The following VPS35L variants were observed in gnomAD, a reference collection of about 807,000 sequenced individuals.
VPS35L encodes VPS35 endosomal protein-sorting factor-like.
Under a neutral mutation model 133.0 loss-of-function variants are expected in VPS35L, and 83 were observed. The ratio of observed to expected loss-of-function variants is 0.62; its 90% CI spans 0.52 to 0.75. The LOEUF (loss-of-function observed/expected upper bound fraction) is 0.75. VPS35L is among the 30% of genes least tolerant of loss of function. The pLI is 0.00. For missense variants in VPS35L, 1,083 were observed against 1,206.8 expected (o/e 0.90, Z 1.52); for synonymous variants, 423 against 449.9 (o/e 0.94, Z 0.76).
At chr16:19,617,749 C>G (rs1972943250) in intron 14 of VPS35L, 1 of 152,494 alleles carries the variant, frequency 6.6e-6, no homozygotes, top group Admixed American at 6.5e-5. Context: ...GTAATCCCAG[C>G]ACTTTGGGAG....
At chr16:19,603,402 G>A (rs1003576763) in intron 9 of VPS35L, among the ~76,000 whole-genome samples, 1 of 152,210 alleles carries the variant, frequency 6.6e-6, no homozygotes, top group Non-Finnish European at 1.5e-5. Context: ...CAAAGAGTCA[G>A]TACAAGTAAA....
chr16:19,587,428 A>AATTG, intron 7 of VPS35L: 1 of 417,944 alleles, frequency 2.4e-6, no homozygotes, highest in African/African-American at 2.1e-5. Flanking sequence ...TCGGGAGTTT[A>AATTG]AGACCAGCCT....
At chr16:19,659,839 A>C (rs1486593394) in intron 26 of VPS35L, among the ~76,000 whole-genome samples, 1 of 152,196 alleles carries the variant, frequency 6.6e-6, no homozygotes, top group Admixed American at 6.5e-5. Flanking sequence ...GGTAGTTTCC[A>C]TGATATTGAT....
At chr16:19,666,996 T>TCTTTCTTTCTTTCTTTCTTTCTTTC (rs147556257) in intron 26 of VPS35L, among the ~76,000 whole-genome samples, 29 of 107,862 alleles carry the variant, frequency 2.7e-4, no homozygotes, top group African/African-American at 1.1e-3. Flanking sequence ...TTCTTTCTTT[T>TCTTTCTTTCTTTCTTTCTTTCTTTC]TTTTTGAGAC....
Position 19,615,173 on chromosome 16 carries a change from T to C in VPS35L, c.1024-941T>C, listed in dbSNP as rs375474650. Among the ~76,000 whole-genome samples, 6 of 152,346 alleles carry C rather than the reference T, an allele frequency of 3.9e-5. No homozygotes were observed. In the East Asian group the frequency reaches 7.7e-4, roughly 20 times the overall value. ...CCATGTGTGTTTATCATTTTTTTATTGTATGCACAATCTTGAGAGTACATT... is the reference window on the plus strand; with the variant it reads ...CCATGTGTGTTTATCATTTTTTTATCGTATGCACAATCTTGAGAGTACATT... On this transcript the variant is annotated intron_variant, in intron 12 of 30. Transcript: ENST00000417362.
At chr16:19,686,761 G>A (rs1028304498) in intron 28 of VPS35L, among the ~76,000 whole-genome samples, 3 of 152,100 alleles carry the variant, frequency 2.0e-5, no homozygotes, top group African/African-American at 7.2e-5. Flanking sequence ...ACCACCAAGT[G>A]TCAGCATGGA....
At chr16:19,655,122 C>A (rs1974256636) in intron 26 of VPS35L, among the ~76,000 whole-genome samples, 1 of 152,174 alleles carries the variant, frequency 6.6e-6, no homozygotes, top group South Asian at 2.1e-4. Context: ...GCCCCATATA[C>A]TGTGCATGGA....
chr16:19,679,559 G>A (rs992012049), intron 27 of VPS35L, among the ~76,000 whole-genome samples: 3 of 151,156 alleles, frequency 2.0e-5, no homozygotes, highest in African/African-American at 7.3e-5. Context: ...GGGCTGCAGT[G>A]CAGTAGTGTG....
chr16:19,626,017 T>C (rs554450613), intron 14 of VPS35L, among the ~76,000 whole-genome samples, 160 bp from the exon 15 acceptor site: 2 of 152,176 alleles, frequency 1.3e-5, no homozygotes, highest in Non-Finnish European at 2.9e-5. Context: ...AAGTGAATTT[T>C]TTTCTCCCCA....
chr16:19,651,616 T>C (rs1974124489), intron 25 of VPS35L, among the ~76,000 whole-genome samples: 1 of 152,242 alleles, frequency 6.6e-6, no homozygotes, highest in Non-Finnish European at 1.5e-5. Flanking sequence ...GTCACCTTGC[T>C]TCTCTTTCCT....
intron 7 of VPS35L, among the ~76,000 whole-genome samples, chr16:19,589,729 T>C (rs1971981041): frequency 1.3e-5 from 2 of 152,238 alleles, no homozygotes; most frequent in Admixed American, 6.5e-5. Context: ...TGTTGTCCTT[T>C]ATAAAATATA....
chr16:19,557,320 G>A (rs1314419029), intron 1 of VPS35L, among the ~76,000 whole-genome samples: 1 of 152,152 alleles, frequency 6.6e-6, no homozygotes, highest in African/African-American at 2.4e-5. Context: ...TTACAAGCAG[G>A]CAAACAGGTG....
intron 1 of VPS35L, 109 bp downstream of exon 1, chr16:19,555,855 A>G (rs1030180388): frequency 4.4e-5 from 62 of 1,423,012 alleles, no homozygotes; most frequent in Non-Finnish European, 5.3e-5. Context: ...CTGGTGGTCG[A>G]CCGGCCACCC....
chr16:19,616,217 C>T (rs1362842237), intron 13 of VPS35L, 26 bp downstream of exon 13: 2 of 1,566,536 alleles, frequency 1.3e-6, no homozygotes, highest in South Asian at 1.1e-5. Context: ...CAGAATAGCT[C>T]ATCGATATAA....
intron 7 of VPS35L, among the ~76,000 whole-genome samples, chr16:19,588,158 AGTATGTAT>A (rs71146263): frequency 1.3e-4 from 19 of 147,462 alleles, no homozygotes; most frequent in South Asian, 4.4e-4. Flanking sequence ...GGGTAATATA[AGTATGTAT>A]GTATGTATGT....
rs766615041 is a variant in VPS35L, at chr16:19,669,214, T to C, written c.2276T>C (p.Ile759Thr). 6.2e-7 allele frequency: 1 copy of C among 1,613,264 alleles called. No individual in the cohort carries two copies. The highest frequency in any genetic ancestry group is 1.1e-5 in the South Asian group (1 of 90,992). ...ISLVPEVPKM[I>T]NIDGKMRPSE... ...CTTGTTCCGGAAGTTCCAAAGATGA[T>C]TAATATTGATGGGAAGATGCGGCCA... The change falls in exon 27 of 31, where the codon ATT becomes ACT. Residue 759 changes from isoleucine to threonine, a missense_variant. Ile to Thr is a moderately conservative substitution (Grantham distance 89). Transcript: ENST00000417362.
At position 19,633,162 on chromosome 16, in the gene VPS35L, C is replaced by A; in HGVS notation, c.1625C>A (p.Ser542Tyr). ...HMTPDRAFED[S>Y]YPQLQLIIKK... is the part of the protein sequence containing the mutation. ...ACTCCAGATCGTGCATTTGAAGATT[C>A]CTACCCCCAGGTAACAGATTTGCAT... Residue 542 changes from serine (S) to tyrosine (Y), a missense_variant, in exon 19 of 31, where the codon TCC (serine) becomes TAC (tyrosine). Physicochemically the swap from Ser to Tyr is moderately radical, Grantham distance 144 (BLOSUM62 -2). Transcript: ENST00000417362. The surrounding 1 kb of genome is among the most constrained non-coding windows in gnomAD (Gnocchi z 4.1). 3 of 1,614,018 alleles carry A rather than the reference C, an allele frequency of 1.9e-6. No individual in the cohort carries two copies. Among genetic ancestry groups the A allele is most frequent in the Non-Finnish European group, 2.5e-6 (3 of 1,179,896 alleles).
At chr16:19,560,625 G>A (rs987540376) in intron 1 of VPS35L, among the ~76,000 whole-genome samples, 4 of 151,920 alleles carry the variant, frequency 2.6e-5, no homozygotes, top group Admixed American at 2.0e-4. Flanking sequence ...GTGAAAGCCC[G>A]TCTCTACTAA....
At chr16:19,593,654 C>T (rs1972111545) in intron 8 of VPS35L, among the ~76,000 whole-genome samples, 1 of 151,316 alleles carries the variant, frequency 6.6e-6, no homozygotes, top group African/African-American at 2.4e-5. Flanking sequence ...TGGCTCATCA[C>T]ACTTGTAATC....
Sources: allele counts gnomAD v4.1 joint callset (sites outside exome capture counted in the v4.1 genomes callset), GRCh38; gene constraint gnomAD v4.1.1; non-coding constraint Gnocchi (gnomAD v3.1); transcripts MANE v1.5; gene names NCBI Gene and HGNC (gene_info 2026-07-23, HGNC 2026-07-21).